SSBP3: variants seen among roughly 807,000 people sequenced by gnomAD.
The protein encoded by SSBP3 is single-stranded DNA-binding protein 3.
SSBP3 carries 5 observed loss-of-function variants against 69.6 expected under a neutral mutation model. The observed-to-expected ratio is 0.07, with a 90% confidence interval of 0.04 to 0.15. The LOEUF is 0.15. Ranked by LOEUF, SSBP3 falls within the 10% of genes least tolerant of loss-of-function variation. The pLI is 1.00. For missense variants in SSBP3, 312 were observed against 534.0 expected, an observed-to-expected ratio of 0.58 and a Z score of 4.10; for synonymous variants, 196 against 193.4, an observed-to-expected ratio of 1.01 and a Z score of -0.11.
At chr1:54,317,250 A>C (rs2100341763) in intron 4 of SSBP3, among the ~76,000 whole-genome samples, 1 of 152,346 alleles carries the variant, frequency 6.6e-6, no homozygotes, top group Middle Eastern at 3.4e-3. Context: ...CAAAAGAAAA[A>C]GCATCGGCCA....
chr1:54,281,657 C>T (rs1645394848), intron 4 of SSBP3, 130 bp from the exon 5 acceptor site: 3 of 824,474 alleles, frequency 3.6e-6, no homozygotes, highest in Non-Finnish European at 6.1e-6. Context: ...CCACTTTCTA[C>T]TTAAAGCCCT....
chr1:54,291,156 CTT>C (rs35439741), intron 4 of SSBP3, among the ~76,000 whole-genome samples: 70 of 151,076 alleles, frequency 4.6e-4, no homozygotes, highest in African/African-American at 1.6e-3. Context: ...CTTCTAGAAA[CTT>C]TTTTTTTTTA....
intron 5 of SSBP3, among the ~76,000 whole-genome samples, chr1:54,270,438 C>T (rs895207352): frequency 6.6e-6 from 1 of 152,110 alleles, no homozygotes; most frequent in Admixed American, 6.5e-5. Flanking sequence ...ATCAGGTGGA[C>T]AAGATGAAGG....
intron 4 of SSBP3, among the ~76,000 whole-genome samples, chr1:54,339,913 A>C (rs1203693821): frequency 6.6e-6 from 1 of 152,158 alleles, no homozygotes; most frequent in African/African-American, 2.4e-5. Context: ...AACTCCATCA[A>C]AGAAAGAAAG....
intron 4 of SSBP3, among the ~76,000 whole-genome samples, chr1:54,331,729 A>G (rs534343993): frequency 1.3e-5 from 2 of 152,334 alleles, no homozygotes; most frequent in South Asian, 2.1e-4. Context: ...AAAAAGGAAG[A>G]GCAATGTCTG....
intron 4 of SSBP3, among the ~76,000 whole-genome samples, chr1:54,296,359 T>C (rs750978708): frequency 6.6e-6 from 1 of 152,272 alleles, no homozygotes; most frequent in Non-Finnish European, 1.5e-5. Flanking sequence ...ACAAGGTCCC[T>C]ACTTTGCTGC....
chr1:54,333,489 C>A (rs1646456699), intron 4 of SSBP3, among the ~76,000 whole-genome samples: 1 of 152,228 alleles, frequency 6.6e-6, no homozygotes, highest in Non-Finnish European at 1.5e-5. Flanking sequence ...AAAACTTCAA[C>A]AGGCCAGGCA....
chr1:54,367,971 C>A (rs755023188), intron 4 of SSBP3, among the ~76,000 whole-genome samples: 16 of 152,050 alleles, frequency 1.1e-4, no homozygotes, highest in Non-Finnish European at 5.9e-5. Context: ...TGAATTATGC[C>A]ACATCCAAGA....
intron 4 of SSBP3, among the ~76,000 whole-genome samples, chr1:54,347,845 C>T (rs1032522342): frequency 9.2e-5 from 14 of 152,288 alleles, no homozygotes; most frequent in Middle Eastern, 3.4e-3. Context: ...CATGGCCCTG[C>T]GGGCACCTTC....
chr1:54,352,844 A>G (rs1285915764), intron 4 of SSBP3, among the ~76,000 whole-genome samples: 1 of 152,192 alleles, frequency 6.6e-6, no homozygotes, highest in Non-Finnish European at 1.5e-5. Flanking sequence ...CTAAAACAGG[A>G]TGACTAATGA....
rs188498463 is a variant in SSBP3 at position 54,327,712 on chromosome 1, C to T, written c.277-46185G>A. Among the ~76,000 whole-genome samples the T allele has an allele frequency of 2.5e-3, 373 of 152,190 alleles. 1 individual carries two copies. Among genetic ancestry groups the T allele is most frequent in the African/African-American group, 8.4e-3 (350 of 41,518 alleles). On this transcript the variant is annotated intron_variant, in intron 4 of 17. Transcript: ENST00000610401. ...ACAATTATGACGTTATAATAAGAAA[C>T]ATTTTCTATGAATTTTTAAGTACGA...
chr1:54,404,073 G>A (rs1024254494), intron 3 of SSBP3, among the ~76,000 whole-genome samples: 2 of 152,176 alleles, frequency 1.3e-5, no homozygotes, highest in Non-Finnish European at 2.9e-5. Context: ...GTCTGAATCA[G>A]TATCTTTAAA....
intron 4 of SSBP3, among the ~76,000 whole-genome samples, chr1:54,360,062 A>G (rs1646927248): frequency 6.6e-6 from 1 of 152,250 alleles, no homozygotes; most frequent in Admixed American, 6.5e-5. Context: ...GCTCAAAGAA[A>G]TAAAAAGAAT....
intron 7 of SSBP3, among the ~76,000 whole-genome samples, chr1:54,252,532 AC>A (rs1557462975): frequency 3.8e-5 from 1 of 26,510 alleles, no homozygotes; most frequent in Non-Finnish European, 7.7e-5. Flanking sequence ...ACAGGTGGCC[AC>A]TAGGAGAGGG....
chr1:54,289,285 G>C (rs192857545), intron 4 of SSBP3, among the ~76,000 whole-genome samples: 1 of 151,714 alleles, frequency 6.6e-6, no homozygotes, highest in Admixed American at 6.6e-5. Context: ...GGGTGTGTAT[G>C]TGTGTGTCTG....
chr1:54,397,097 T>C (rs1366797257), intron 4 of SSBP3, among the ~76,000 whole-genome samples: 1 of 152,236 alleles, frequency 6.6e-6, no homozygotes, highest in African/African-American at 2.4e-5. Context: ...TTTGTGTTTT[T>C]AATCTGCCAC....
At chr1:54,405,054 G>A in intron 1 of SSBP3, 124 bp from the exon 2 acceptor site, 5 of 847,538 alleles carry the variant, frequency 5.9e-6, no homozygotes, top group Non-Finnish European at 7.8e-6. Flanking sequence ...CCCGACCAGA[G>A]GTAAGCAGCT....
chr1:54,242,023 C>T (rs1557451716), intron 11 of SSBP3, 141 bp downstream of exon 11: 2 of 999,802 alleles, frequency 2.0e-6, no homozygotes, highest in Non-Finnish European at 3.0e-6. Context: ...TCCACCTCCA[C>T]ACGGCCTTCT....
At chr1:54,406,115 C>T in exon 1 of SSBP3, 3 of 844,430 alleles carry the variant, frequency 3.6e-6, no homozygotes, top group Non-Finnish European at 4.9e-6. Context: ...CCCCGGCGCT[C>T]GCTCGCTCTC....
Sources: gnomAD v4.1 joint callset for allele counts (sites outside exome capture counted in the v4.1 genomes callset) on GRCh38, gnomAD v4.1.1 for gene constraint, MANE v1.5 for transcripts, NCBI Gene and HGNC (gene_info 2026-07-23, HGNC 2026-07-21) for gene names.